Variants in CDC42BPA observed in about 807,000 individuals in gnomAD.
CDC42BPA encodes the protein CDC42 binding protein kinase alpha, also known as serine/threonine-protein kinase MRCK alpha.
In CDC42BPA, 80 loss-of-function variants were observed where a neutral mutation model predicts 223.5. The observed-to-expected ratio is 0.36, with a 90% CI of 0.30 to 0.43. The LOEUF is 0.43. Ranked by LOEUF, CDC42BPA falls within the 20% of genes least tolerant of loss-of-function variation. CDC42BPA has a pLI of 1.00. For missense variants in CDC42BPA, 1,743 were observed against 2,099.9 expected (o/e 0.83, Z 3.32); for synonymous variants, 694 against 718.6 (o/e 0.97, Z 0.55).
intron 5 of CDC42BPA, among the ~76,000 whole-genome samples, chr1:227,162,882 G>A (rs1404543515): frequency 2.0e-5 from 3 of 151,842 alleles, no homozygotes; most frequent in African/African-American, 4.8e-5. Context: ...GTGTGTGTGT[G>A]TGTGTTTCCA....
intron 16 of CDC42BPA, among the ~76,000 whole-genome samples, chr1:227,086,212 CTTTG>C (rs1223577495): frequency 3.9e-5 from 6 of 152,078 alleles, no homozygotes; most frequent in African/African-American, 7.2e-5. Flanking sequence ...GTATGATATG[CTTTG>C]TTTATCATGC....
intron 3 of CDC42BPA, among the ~76,000 whole-genome samples, chr1:227,202,853 C>T (rs1294354651): frequency 3.9e-5 from 6 of 151,902 alleles, no homozygotes; most frequent in Non-Finnish European, 8.8e-5. Flanking sequence ...TCACATGAGC[C>T]TAGGAGTTTG....
At chr1:227,079,525 CAA>C (rs1202204100) in intron 17 of CDC42BPA, among the ~76,000 whole-genome samples, 6 of 152,046 alleles carry the variant, frequency 3.9e-5, no homozygotes, top group South Asian at 2.1e-4. Flanking sequence ...TCACAAATAT[CAA>C]GTCATAATTT....
intron 3 of CDC42BPA, among the ~76,000 whole-genome samples, chr1:227,207,106 C>G (rs1354088452): frequency 8.6e-6 from 1 of 116,016 alleles, no homozygotes; most frequent in Non-Finnish European, 1.7e-5. Context: ...AACAGTCCCC[C>G]GGAGTGTGAT....
intron 14 of CDC42BPA, among the ~76,000 whole-genome samples, chr1:227,104,228 C>T (rs751996118): frequency 1.3e-5 from 2 of 152,116 alleles, no homozygotes; most frequent in African/African-American, 2.4e-5. Context: ...TGGGATTTAT[C>T]ACATAAATTA....
chr1:227,263,077 A>T (rs1447427892), intron 1 of CDC42BPA, among the ~76,000 whole-genome samples: 2 of 152,154 alleles, frequency 1.3e-5, no homozygotes, highest in Non-Finnish European at 2.9e-5. Flanking sequence ...TACTAAAAAT[A>T]CAAAAATTAG....
At chr1:227,059,429 G>C in intron 21 of CDC42BPA, 3 of 1,556,120 alleles carry the variant, frequency 1.9e-6, no homozygotes, top group Non-Finnish European at 2.6e-6. Flanking sequence ...AGAGAAAGGA[G>C]AATAGGACAT....
chr1:227,086,779 C>T (rs151292232), intron 16 of CDC42BPA, among the ~76,000 whole-genome samples: 2 of 151,776 alleles, frequency 1.3e-5, no homozygotes, highest in African/African-American at 2.4e-5. Context: ...TAAATCCTCC[C>T]GTTTTAGCCT....
chr1:227,304,452 T>C (rs1167638115), intron 1 of CDC42BPA, among the ~76,000 whole-genome samples: 2 of 151,890 alleles, frequency 1.3e-5, no homozygotes, highest in East Asian at 3.9e-4. Flanking sequence ...TTTTGAATTT[T>C]TATTATCACT....
chr1:227,194,014 G>A lies in CDC42BPA; in HGVS notation c.451-80C>T, dbSNP rs540838475. 18 of 890,652 alleles carry A rather than the reference G, an allele frequency of 2.0e-5. No homozygotes were observed. The South Asian group carries it at 3.5e-4, about 17-fold the overall frequency. 55.2% of individuals were successfully genotyped at this position (890,652 alleles called of 1,614,324 possible). ...ATATACTGTATCCCAAGGTCAACAG[G>A]ACTGGGTCAAATATTTATGCAGTTA... On this transcript the variant is annotated intron_variant, in intron 4 of 36. Coordinates refer to ENST00000366766, the MANE Select transcript of CDC42BPA (RefSeq NM_001394014.1).
At chr1:227,050,223 A>AT (rs1016468593) in intron 22 of CDC42BPA, among the ~76,000 whole-genome samples, 26 of 152,208 alleles carry the variant, frequency 1.7e-4, no homozygotes, top group African/African-American at 6.3e-4. Context: ...GTCAATAAAC[A>AT]TACAAAAAGA....
chr1:227,126,953 A>G (rs552962863), intron 11 of CDC42BPA, among the ~76,000 whole-genome samples: 1 of 152,322 alleles, frequency 6.6e-6, no homozygotes, highest in East Asian at 1.9e-4. Context: ...AAGCATATAG[A>G]TCAGAAAGGG....
chr1:227,162,877 T>TGTGTGTGTGTGTGC (rs1408511164), intron 5 of CDC42BPA, among the ~76,000 whole-genome samples: 2 of 151,698 alleles, frequency 1.3e-5, no homozygotes, highest in African/African-American at 2.4e-5. Flanking sequence ...TATGTGTGTG[T>TGTGTGTGTGTGTGC]GTGTGTGTGT....
intron 4 of CDC42BPA, among the ~76,000 whole-genome samples, chr1:227,194,335 TGAAA>T (rs1670308422): frequency 6.6e-6 from 1 of 152,194 alleles, no homozygotes; most frequent in African/African-American, 2.4e-5. Context: ...GTCCCTACAT[TGAAA>T]GAAATTCATA....
intron 1 of CDC42BPA, among the ~76,000 whole-genome samples, chr1:227,279,391 T>C (rs924577883): frequency 1.3e-5 from 2 of 152,148 alleles, no homozygotes; most frequent in Non-Finnish European, 2.9e-5. Flanking sequence ...ATTTTGATAA[T>C]TTCTATACTA....
chr1:227,055,499 A>C (rs1674359168), intron 21 of CDC42BPA, among the ~76,000 whole-genome samples: 1 of 152,288 alleles, frequency 6.6e-6, no homozygotes, highest in Admixed American at 6.5e-5. Flanking sequence ...CCTATGATTC[A>C]GTTTAATTAT....
At chr1:227,315,768 A>C (rs11806180) in intron 1 of CDC42BPA, among the ~76,000 whole-genome samples, 49,377 of 152,002 alleles carry the variant, frequency 0.32, 8,126 homozygotes, top group East Asian at 0.37. Context: ...TTACATTCCC[A>C]GGATGAGTCT....
intron 4 of CDC42BPA, among the ~76,000 whole-genome samples, chr1:227,196,953 T>C (rs1468404544): frequency 5.9e-5 from 9 of 152,200 alleles, no homozygotes; most frequent in African/African-American, 2.2e-4. Context: ...AGCAGCTTTG[T>C]ATTTAATGAG....
At chr1:227,153,005 C>A (rs565964502) in intron 6 of CDC42BPA, among the ~76,000 whole-genome samples, 17 of 151,280 alleles carry the variant, frequency 1.1e-4, no homozygotes, top group African/African-American at 4.1e-4. Context: ...AAGAAAATAC[C>A]CTGGAAGAAA....
Sources: gnomAD v4.1 joint callset for allele counts (sites outside exome capture counted in the v4.1 genomes callset) on GRCh38, gnomAD v4.1.1 for gene constraint, MANE v1.5 for transcripts, NCBI Gene and HGNC (gene_info 2026-07-23, HGNC 2026-07-21) for gene names.